The following ARHGAP15 variants were observed in gnomAD, a reference collection of about 807,000 sequenced individuals.
ARHGAP15 encodes the protein rho GTPase-activating protein 15.
ARHGAP15 carries 51 observed loss-of-function variants against 63.7 expected under a neutral mutation model. The ratio of observed to expected loss-of-function variants is 0.80; its 90% CI spans 0.64 to 1.01. The LOEUF is 1.01. Among genes scored for constraint, ARHGAP15 ranks in the 50% least tolerant of loss-of-function variants. ARHGAP15 has a pLI of 0.00. For synonymous variants in ARHGAP15, 191 were observed against 193.8 expected, an observed-to-expected ratio of 0.99 and a Z score of 0.12; for missense variants, 560 against 564.6, an observed-to-expected ratio of 0.99 and a Z score of 0.08.
chr2:143,582,386 C>T (rs986701191), intron 11 of ARHGAP15, among the ~76,000 whole-genome samples: 1 of 152,122 alleles, frequency 6.6e-6, no homozygotes, highest in Non-Finnish European at 1.5e-5. Flanking sequence ...GAAAATTACC[C>T]ATGGTTTCAT....
At chr2:143,151,710 G>T (rs1177137372) in intron 1 of ARHGAP15, among the ~76,000 whole-genome samples, 1 of 151,940 alleles carries the variant, frequency 6.6e-6, no homozygotes, top group Non-Finnish European at 1.5e-5. Context: ...GTGTCTACTA[G>T]AGAAAAAACT....
At chr2:143,764,822 A>G (rs978975192) in intron 13 of ARHGAP15, among the ~76,000 whole-genome samples, 1 of 152,128 alleles carries the variant, frequency 6.6e-6, no homozygotes, top group Non-Finnish European at 1.5e-5. Flanking sequence ...CAATCCTGTC[A>G]ATGTTTACAT....
At chr2:143,408,253 C>G (rs1273744586) in intron 6 of ARHGAP15, among the ~76,000 whole-genome samples, 3 of 149,616 alleles carry the variant, frequency 2.0e-5, no homozygotes, top group Non-Finnish European at 4.5e-5. Context: ...CTTTTCTTCT[C>G]TCTTTTCATA....
intron 3 of ARHGAP15, among the ~76,000 whole-genome samples, chr2:143,208,596 C>A (rs1259119266): frequency 6.6e-6 from 1 of 152,044 alleles, no homozygotes; most frequent in Admixed American, 6.6e-5. Flanking sequence ...GTAGAAGAGA[C>A]GGAAATCATT....
In ARHGAP15 at chr2:143,673,722, TTGTGTG is replaced by T. The variant is rs70982878; in HGVS notation, c.1139-29665_1139-29660del. On this transcript the variant is annotated intron_variant, in intron 12 of 13. Coordinates refer to ENST00000295095, the MANE Select transcript of ARHGAP15 (RefSeq NM_018460.4). ...ACAAATATCTGATAAAGGCCTTATA[TTGTGTG>T]TGTGTGTGTGTGTGTGTGTGTGTGT... is the stretch of plus-strand genomic sequence containing the variant. Among the ~76,000 whole-genome samples, 137 of 54,618 alleles carry T rather than the reference TTGTGTG, an allele frequency of 2.5e-3. 7 individuals are homozygous for T. Among genetic ancestry groups the T allele is most frequent in the Middle Eastern group, 0.031 (2 of 64 alleles). The allele number at this position is 54,618 out of a possible 152,430, so 35.8% of individuals were successfully genotyped here. A position where few individuals can be genotyped will look rare whatever the true frequency, so the allele number is the denominator to read the frequency against.
chr2:143,445,283 C>T (rs1156797261), intron 8 of ARHGAP15, among the ~76,000 whole-genome samples: 3 of 150,870 alleles, frequency 2.0e-5, no homozygotes, highest in Admixed American at 6.6e-5. Context: ...GCCTCAGCCT[C>T]CCTAGTAGCT....
chr2:143,737,657 G>A (rs1040724578), intron 13 of ARHGAP15, among the ~76,000 whole-genome samples: 1 of 152,164 alleles, frequency 6.6e-6, no homozygotes, highest in Non-Finnish European at 1.5e-5. Flanking sequence ...CTGGCCAAAT[G>A]CATGAACATA....
chr2:143,716,509 G>A (rs754529864), intron 13 of ARHGAP15, among the ~76,000 whole-genome samples: 20 of 152,200 alleles, frequency 1.3e-4, no homozygotes, highest in Non-Finnish European at 2.6e-4. Flanking sequence ...TCTATCATTT[G>A]AGATCCAATA....
At chr2:143,643,138 A>C (rs1308387141) in intron 12 of ARHGAP15, among the ~76,000 whole-genome samples, 1 of 152,124 alleles carries the variant, frequency 6.6e-6, no homozygotes, top group Non-Finnish European at 1.5e-5. Context: ...TGAGAAAGGT[A>C]GTGGAAAGCA....
At chr2:143,625,491 G>GC (rs1317368643) in intron 12 of ARHGAP15, among the ~76,000 whole-genome samples, 84 of 152,166 alleles carry the variant, frequency 5.5e-4, no homozygotes, top group Non-Finnish European at 9.6e-4. Context: ...TGCTGCTGCT[G>GC]TTGTTGAATG....
At chr2:143,153,183 C>T (rs1047340960) in intron 1 of ARHGAP15, among the ~76,000 whole-genome samples, 2 of 151,840 alleles carry the variant, frequency 1.3e-5, no homozygotes, top group African/African-American at 2.4e-5. Context: ...ATGTAAACAC[C>T]GTGGCTAGAT....
chr2:143,367,686 TTTG>T (rs904571873), intron 6 of ARHGAP15, among the ~76,000 whole-genome samples: 34 of 152,174 alleles, frequency 2.2e-4, no homozygotes, highest in African/African-American at 7.9e-4. Context: ...GTGTATTATT[TTTG>T]TTGTTGCTTT....
chr2:143,391,556 T>C (rs1687539592), intron 6 of ARHGAP15, among the ~76,000 whole-genome samples: 1 of 152,194 alleles, frequency 6.6e-6, no homozygotes, highest in African/African-American at 2.4e-5. Context: ...CTTAACTCAA[T>C]TGATTCCTAA....
At chr2:143,442,455 C>T (rs773601399) in intron 8 of ARHGAP15, among the ~76,000 whole-genome samples, 39 of 152,066 alleles carry the variant, frequency 2.6e-4, no homozygotes, top group Non-Finnish European at 4.9e-4. Flanking sequence ...TCCACCAAAG[C>T]GATTAGGAGA....
chr2:143,551,787 C>A (rs1695574761), intron 10 of ARHGAP15, among the ~76,000 whole-genome samples: 1 of 152,026 alleles, frequency 6.6e-6, no homozygotes, highest in South Asian at 2.1e-4. Context: ...CAGATAGGTA[C>A]AAAATCAACA....
intron 5 of ARHGAP15, among the ~76,000 whole-genome samples, chr2:143,245,534 A>G (rs1231768546): frequency 6.6e-5 from 10 of 152,206 alleles, no homozygotes; most frequent in Admixed American, 4.6e-4. Context: ...ATTGAGGAGA[A>G]GGACAAATCT....
At chr2:143,612,135 A>G (rs1698279309) in intron 11 of ARHGAP15, among the ~76,000 whole-genome samples, 1 of 152,226 alleles carries the variant, frequency 6.6e-6, no homozygotes, top group African/African-American at 2.4e-5. Flanking sequence ...ATCTATTAGC[A>G]TAACAGTTAC....
chr2:143,443,008 A>G (rs1689959947), intron 8 of ARHGAP15, among the ~76,000 whole-genome samples: 1 of 152,076 alleles, frequency 6.6e-6, no homozygotes, highest in African/African-American at 2.4e-5. Context: ...TCCTGTGACC[A>G]TTGAGACCTT....
chr2:143,379,349 A>G (rs1686954994), intron 6 of ARHGAP15, among the ~76,000 whole-genome samples: 1 of 151,818 alleles, frequency 6.6e-6, no homozygotes, highest in Admixed American at 6.6e-5. Context: ...AGGCATATAT[A>G]TATATATATG....
Sources: gnomAD v4.1 joint callset for allele counts (sites outside exome capture counted in the v4.1 genomes callset) on GRCh38, gnomAD v4.1.1 for gene constraint, MANE v1.5 for transcripts, NCBI Gene and HGNC (gene_info 2026-07-23, HGNC 2026-07-21) for gene names.